The following KIF16B variants were observed in gnomAD, a reference collection of about 807,000 sequenced individuals.
The protein encoded by KIF16B is kinesin-like protein KIF16B.
A neutral mutation model predicts 156.3 loss-of-function variants in KIF16B; 98 were observed. The observed-to-expected ratio is 0.63, with a 90% CI of 0.53 to 0.74. The LOEUF is 0.74. KIF16B is among the 30% of genes least tolerant of loss of function. The pLI is 0.00. For synonymous variants in KIF16B, 564 were observed against 583.7 expected, an observed-to-expected ratio of 0.97 and a Z score of 0.49; for missense variants, 1,421 against 1,606.5, an observed-to-expected ratio of 0.88 and a Z score of 1.97.
Position 16,573,384 on chromosome 20 carries a change from C to T in KIF16B, c.-109G>A. On this transcript the variant is annotated 5_prime_UTR_variant, in exon 1 of 26. Coordinates refer to ENST00000354981, the MANE Select transcript of KIF16B (RefSeq NM_024704.5). The stretch of plus-strand genomic sequence containing the variant: ...CTCCCGCCCACTTCCCTCTCGCCCC[C>T]GCCCCTCTGCTCCCGGCCGGACCTG... 1 of 1,212,514 alleles carries T rather than the reference C, an allele frequency of 8.2e-7. No homozygotes were observed. The highest frequency in any genetic ancestry group is 1.2e-6 in the Non-Finnish European group (1 of 856,012). 75.1% of individuals were successfully genotyped at this position (1,212,514 alleles called of 1,614,324 possible).
intron 25 of KIF16B, among the ~76,000 whole-genome samples, chr20:16,283,188 T>C (rs1013525374): frequency 7.2e-5 from 11 of 152,088 alleles, no homozygotes; most frequent in Admixed American, 6.5e-4. Flanking sequence ...ATTATGTAGG[T>C]GTTTATGTAA....
At chr20:16,456,797 T>G (rs2067224461) in intron 12 of KIF16B, among the ~76,000 whole-genome samples, 2 of 152,034 alleles carry the variant, frequency 1.3e-5, no homozygotes, top group South Asian at 4.2e-4. Flanking sequence ...GAGAAGAACA[T>G]GAAAATGGAA....
At chr20:16,293,694 G>A (rs999088662) in intron 25 of KIF16B, among the ~76,000 whole-genome samples, 1 of 152,196 alleles carries the variant, frequency 6.6e-6, no homozygotes, top group African/African-American at 2.4e-5. Context: ...ACTAGAACAG[G>A]CAAGAGGGTT....
At chr20:16,567,946 C>G (rs1456503304) in intron 1 of KIF16B, among the ~76,000 whole-genome samples, 5 of 152,196 alleles carry the variant, frequency 3.3e-5, no homozygotes, top group Admixed American at 2.0e-4. Context: ...AGCGAGACTT[C>G]GTCTCAAAAA....
At chr20:16,489,915 A>G (rs1351678314) in intron 12 of KIF16B, among the ~76,000 whole-genome samples, 3 of 152,114 alleles carry the variant, frequency 2.0e-5, no homozygotes. Context: ...TACTTCAGCC[A>G]TATTCCCTCC....
chr20:16,448,444 C>A (rs2146581417), intron 12 of KIF16B, among the ~76,000 whole-genome samples: 1 of 152,148 alleles, frequency 6.6e-6, no homozygotes, highest in South Asian at 2.1e-4. Flanking sequence ...AAAGTGTAGA[C>A]CACCTAGCCC....
chr20:16,512,704 A>G (rs2068995071), intron 5 of KIF16B, 122 bp downstream of exon 5: 1 of 616,124 alleles, frequency 1.6e-6, no homozygotes, highest in Admixed American at 2.8e-5. Flanking sequence ...ACAGGAGGGG[A>G]AAAGGGAAGA....
At chr20:16,476,358 C>G (rs535693648) in intron 12 of KIF16B, among the ~76,000 whole-genome samples, 39 of 152,254 alleles carry the variant, frequency 2.6e-4, no homozygotes, top group African/African-American at 9.4e-4. Context: ...TGAAAAGACA[C>G]ATTTGTTTTG....
intron 23 of KIF16B, among the ~76,000 whole-genome samples, chr20:16,355,718 C>T (rs1185876690): frequency 6.6e-6 from 1 of 152,052 alleles, no homozygotes; most frequent in Non-Finnish European, 1.5e-5. Context: ...TTTAGAAAAC[C>T]ATGACGTAAG....
intron 1 of KIF16B, 42 bp from the exon 2 acceptor site, chr20:16,528,482 T>C (rs758535917): frequency 7.2e-7 from 1 of 1,386,272 alleles, no homozygotes; most frequent in African/African-American, 1.4e-5. Flanking sequence ...AGAGAAAAGA[T>C]TATTAAAAAC....
At chr20:16,565,967 C>T (rs1025807057) in intron 1 of KIF16B, among the ~76,000 whole-genome samples, 7 of 152,224 alleles carry the variant, frequency 4.6e-5, no homozygotes, top group African/African-American at 1.4e-4. Context: ...TACATGACGA[C>T]GTTCCTACAC....
intron 15 of KIF16B, among the ~76,000 whole-genome samples, chr20:16,406,824 A>C (rs1441371396): frequency 6.6e-6 from 1 of 152,196 alleles, no homozygotes; most frequent in Admixed American, 6.5e-5. Context: ...AGCAAAGCAT[A>C]TGGTCACAAC....
Position 16,353,845 on chromosome 20 carries a change from A to G in KIF16B, c.3621+2485T>C, listed in dbSNP as rs537869024. Among the ~76,000 whole-genome samples, 6 of 152,322 alleles carry G rather than the reference A, an allele frequency of 3.9e-5. No individual in the cohort carries two copies. The East Asian group carries it at 7.7e-4, about 20-fold the overall frequency. ...GAAGGCTTCCACACACCTACCTGTC[A>G]AGGTATCAGGAGGCCCTGCCTAAAC... is the stretch of plus-strand genomic sequence containing the variant. On this transcript the variant is annotated intron_variant, in intron 23 of 25. Transcript: ENST00000354981.
intron 23 of KIF16B, among the ~76,000 whole-genome samples, chr20:16,339,760 G>A (rs552831184): frequency 6.6e-6 from 1 of 152,186 alleles, no homozygotes; most frequent in South Asian, 2.1e-4. Context: ...CCAGTCAGTC[G>A]GTGAATCCCT....
chr20:16,451,985 A>G (rs35075447), intron 12 of KIF16B, among the ~76,000 whole-genome samples: 4,316 of 152,272 alleles, frequency 0.028, 68 homozygotes, highest in Non-Finnish European at 0.032. Flanking sequence ...GTTTACTCAA[A>G]TAACATGAGT....
At chr20:16,434,731 CT>C (rs34266610) in intron 12 of KIF16B, among the ~76,000 whole-genome samples, 4,924 of 151,674 alleles carry the variant, frequency 0.032, 78 homozygotes, top group African/African-American at 0.039. Context: ...CTAAGTGGCA[CT>C]TTTTTTTTCT....
At chr20:16,558,935 A>G (rs2070956620) in intron 1 of KIF16B, among the ~76,000 whole-genome samples, 1 of 151,500 alleles carries the variant, frequency 6.6e-6, no homozygotes, top group African/African-American at 2.4e-5. Flanking sequence ...AGTGGGGGTA[A>G]ATTTGTTATG....
At chr20:16,359,517 C>T (rs2064509364) in intron 22 of KIF16B, among the ~76,000 whole-genome samples, 1 of 152,182 alleles carries the variant, frequency 6.6e-6, no homozygotes, top group African/African-American at 2.4e-5. Context: ...TGTAAATTAC[C>T]CAGTCTTGGG....
chr20:16,519,178 G>T (rs1371852671), intron 3 of KIF16B, among the ~76,000 whole-genome samples: 3 of 152,210 alleles, frequency 2.0e-5, no homozygotes, highest in Non-Finnish European at 4.4e-5. Flanking sequence ...AACAATGGAA[G>T]TTCAACCAAC....
Sources: gnomAD v4.1 joint callset for allele counts (sites outside exome capture counted in the v4.1 genomes callset) on GRCh38, gnomAD v4.1.1 for gene constraint, MANE v1.5 for transcripts, NCBI Gene and HGNC (gene_info 2026-07-23, HGNC 2026-07-21) for gene names.